Variants in RNLS observed in about 807,000 individuals in gnomAD.
The protein encoded by RNLS is renalase.
RNLS carries 39 observed loss-of-function variants against 39.8 expected under a neutral mutation model. That is an observed-to-expected ratio of 0.98 (90% CI 0.76 to 1.28). The LOEUF (loss-of-function observed/expected upper bound fraction) is 1.28. Among genes scored for constraint, RNLS ranks in the 50% most tolerant of loss-of-function variants. The pLI, the probability that RNLS is intolerant of heterozygous loss-of-function variation, is 0.00. For synonymous variants in RNLS, 147 were observed against 150.7 expected, an observed-to-expected ratio of 0.98 and a Z score of 0.18; for missense variants, 410 against 413.3, an observed-to-expected ratio of 0.99 and a Z score of 0.07.
the RNLS span, among the ~76,000 whole-genome samples, chr10:88,209,401 A>G: frequency 1.3e-5 from 2 of 152,160 alleles, no homozygotes; most frequent in African/African-American, 4.8e-5. Context: ...GGACAACACC[A>G]TGTGATGACG....
chr10:88,324,165 CG>C (rs1246612986), intron 5 of RNLS, among the ~76,000 whole-genome samples: 1 of 151,988 alleles, frequency 6.6e-6, no homozygotes, highest in Non-Finnish European at 1.5e-5. Context: ...CTACGGAAAA[CG>C]GTATGGAGAT....
At chr10:88,377,441 T>TA (rs923279478) in intron 4 of RNLS, among the ~76,000 whole-genome samples, 4 of 152,160 alleles carry the variant, frequency 2.6e-5, no homozygotes, top group African/African-American at 9.7e-5. Flanking sequence ...GTGAATATCA[T>TA]AGAGAGTACT....
intron 4 of RNLS, among the ~76,000 whole-genome samples, chr10:88,418,915 A>G (rs994269262): frequency 2.6e-5 from 4 of 152,166 alleles, no homozygotes; most frequent in African/African-American, 9.7e-5. Context: ...AAAGGACTGT[A>G]TATACTACAG....
At position 88,373,185 on chromosome 10, in the gene RNLS, A is replaced by G. The variant is rs975968405; in HGVS notation, c.527-10460T>C. Reference sequence around the variant, plus strand: ...TACATATTTTTACATTTATGGCTAGAGATACTTTATACCAAGGCAATGACT... The same window carrying G: ...TACATATTTTTACATTTATGGCTAGGGATACTTTATACCAAGGCAATGACT... On this transcript the variant is annotated intron_variant, in intron 4 of 6. Transcript: ENST00000331772. Among the ~76,000 whole-genome samples the G allele has an allele frequency of 2.8e-4, 43 of 152,286 alleles. 1 individual carries two copies. The highest frequency in any genetic ancestry group is 4.7e-4 in the Non-Finnish European group (32 of 67,994).
the RNLS span, among the ~76,000 whole-genome samples, chr10:88,244,726 G>C: frequency 6.6e-6 from 1 of 151,398 alleles, no homozygotes; most frequent in African/African-American, 2.4e-5. Context: ...TTAAAAGAAG[G>C]ACACACTGTG....
At chr10:88,246,619 C>T in the RNLS span, among the ~76,000 whole-genome samples, 8 of 151,964 alleles carry the variant, frequency 5.3e-5, no homozygotes, top group Admixed American at 2.0e-4. Flanking sequence ...ATATAAATCC[C>T]GCTTTTTTTT....
At chr10:88,388,363 G>C (rs1023613277) in intron 4 of RNLS, among the ~76,000 whole-genome samples, 1 of 152,066 alleles carries the variant, frequency 6.6e-6, no homozygotes, top group Admixed American at 6.6e-5. Flanking sequence ...CCCAGCTCTT[G>C]CCTCCTTCCC....
intron 4 of RNLS, among the ~76,000 whole-genome samples, chr10:88,431,203 T>C (rs2133808972): frequency 6.6e-6 from 1 of 151,800 alleles, no homozygotes; most frequent in Non-Finnish European, 1.5e-5. Flanking sequence ...GCTTTGGTAA[T>C]TTGTGTTTTT....
intron 6 of RNLS, among the ~76,000 whole-genome samples, chr10:88,306,260 T>C (rs1263156171): frequency 6.6e-6 from 1 of 151,914 alleles, no homozygotes; most frequent in Non-Finnish European, 1.5e-5. Context: ...ACACCAAAAC[T>C]AAAATAATTA....
At chr10:88,242,829 C>G in the RNLS span, among the ~76,000 whole-genome samples, 1 of 152,134 alleles carries the variant, frequency 6.6e-6, no homozygotes, top group South Asian at 2.1e-4. Context: ...TGCCTGTAAT[C>G]CCAGCTACTT....
intron 4 of RNLS, among the ~76,000 whole-genome samples, chr10:88,467,927 A>G (rs1310084088): frequency 3.3e-5 from 5 of 152,198 alleles, no homozygotes; most frequent in South Asian, 2.1e-4. Flanking sequence ...CTGCATGCAT[A>G]TTACACTTTG....
intron 6 of RNLS, among the ~76,000 whole-genome samples, chr10:88,289,002 A>G (rs1232768050): frequency 6.6e-6 from 1 of 152,144 alleles, no homozygotes; most frequent in East Asian, 1.9e-4. Context: ...TTTAAGAGAG[A>G]TGTCAGGGCT....
At chr10:88,404,711 A>T (rs1257225322) in intron 4 of RNLS, among the ~76,000 whole-genome samples, 1 of 152,048 alleles carries the variant, frequency 6.6e-6, no homozygotes, top group Non-Finnish European at 1.5e-5. Flanking sequence ...AGATGAATAA[A>T]GAACTGCAGC....
downstream of RNLS, among the ~76,000 whole-genome samples, chr10:88,280,249 C>T (rs377028303): frequency 2.6e-5 from 4 of 152,066 alleles, no homozygotes; most frequent in East Asian, 7.7e-4. Context: ...CTCATTTTGC[C>T]GATGACAAAG....
At chr10:88,275,015 C>A (rs769089178) in exon 7 of RNLS, 4 of 1,613,130 alleles carry the variant, frequency 2.5e-6, no homozygotes, top group Non-Finnish European at 3.4e-6. Flanking sequence ...ATCCTAGAAT[C>A]ACACCAGCAC....
intron 4 of RNLS, among the ~76,000 whole-genome samples, chr10:88,380,760 T>C (rs1045726820): frequency 3.9e-5 from 6 of 152,166 alleles, no homozygotes; most frequent in Admixed American, 6.6e-5. Context: ...TCTAGCACTT[T>C]TATACCTTTT....
rs531157754 is a variant in RNLS at position 88,518,619 on chromosome 10, TACAA to T, written c.526+54280_526+54283del. 3.2e-3 allele frequency among the ~76,000 whole-genome samples: 480 copies of T among 152,008 alleles called. 4 individuals are homozygous for T. The highest frequency in any genetic ancestry group is 0.011 in the African/African-American group (440 of 41,514). On this transcript the variant is annotated intron_variant, in intron 4 of 6. Coordinates refer to ENST00000331772, the MANE Select transcript of RNLS (RefSeq NM_001031709.3). ...CTAGCAAGATAGGCACATGATCAAA[TACAA>T]ACAGATGGAAAGCTAAAGTCCAGGG...
intron 6 of RNLS, among the ~76,000 whole-genome samples, chr10:88,301,342 G>C (rs773502239): frequency 8.5e-5 from 13 of 152,292 alleles, no homozygotes; most frequent in Non-Finnish European, 1.8e-4. Flanking sequence ...CAAGTGGTTA[G>C]TTATGTGCTG....
intron 4 of RNLS, among the ~76,000 whole-genome samples, chr10:88,383,681 AT>A (rs1851686782): frequency 6.6e-6 from 1 of 152,160 alleles, no homozygotes; most frequent in African/African-American, 2.4e-5. Flanking sequence ...ATTGGAAGTA[AT>A]TAATATAATG....
Sources: gnomAD v4.1 joint callset for allele counts (sites outside exome capture counted in the v4.1 genomes callset) on GRCh38, gnomAD v4.1.1 for gene constraint, MANE v1.5 for transcripts, NCBI Gene and HGNC (gene_info 2026-07-23, HGNC 2026-07-21) for gene names.